The following ADCY5 variants were observed in gnomAD, a reference collection of about 807,000 sequenced individuals.
ADCY5 encodes adenylate cyclase type 5.
In ADCY5, 30 loss-of-function variants were observed where a neutral mutation model predicts 119.7. The observed-to-expected ratio is 0.25, with a 90% CI of 0.19 to 0.34. The LOEUF (loss-of-function observed/expected upper bound fraction) is 0.34. ADCY5 is among the 10% of genes least tolerant of loss of function. The pLI, the probability that ADCY5 is intolerant of heterozygous loss-of-function variation, is 1.00. For synonymous variants in ADCY5, 753 were observed against 762.2 expected (o/e 0.99, Z 0.20); for missense variants, 1,324 against 1,775.2 (o/e 0.75, Z 4.57).
intron 1 of ADCY5, among the ~76,000 whole-genome samples, chr3:123,435,883 T>C (rs1945603414): frequency 6.9e-6 from 1 of 145,170 alleles, no homozygotes; most frequent in African/African-American, 2.5e-5. Context: ...TTATTATTAT[T>C]ATTATTATTA....
Position 123,393,646 on chromosome 3 carries a change from T to C in ADCY5, c.1135-41065A>G, listed in dbSNP as rs115004886. Among the ~76,000 whole-genome samples the C allele has an allele frequency of 9.4e-3, 1,426 of 151,844 alleles. 24 individuals are homozygous for C. Among genetic ancestry groups the C allele is most frequent in the African/African-American group, 0.032 (1,332 of 41,238 alleles). ...AGCGTCACATGCGAAAGAGATAACA[T>C]GTGCAAAGTGCCCATATGGCCCGGC... On this transcript the variant is annotated intron_variant, in intron 1 of 20. Coordinates refer to ENST00000462833, the MANE Select transcript of ADCY5 (RefSeq NM_183357.3).
chr3:123,291,378 TGA>T lies in ADCY5; in HGVS notation c.3064-4_3064-3del. 1 of 1,605,690 alleles carries T rather than the reference TGA, an allele frequency of 6.2e-7. No homozygotes were observed. Among genetic ancestry groups the T allele is most frequent in the Non-Finnish European group, 8.5e-7 (1 of 1,173,846 alleles). On this transcript the variant is annotated splice_region_variant and splice_polypyrimidine_tract_variant and intron_variant, in intron 17 of 20. Transcript: ENST00000462833. ...CATCTCCTCTTTCTCCTCTGTGGCC[TGA>T]GAGAAAAAGACTGCAAGTCACCCAG...
chr3:123,305,239 A>G (rs1274993130), intron 12 of ADCY5, among the ~76,000 whole-genome samples: 2 of 152,112 alleles, frequency 1.3e-5, no homozygotes, highest in East Asian at 1.9e-4. Context: ...CTCTACCCCA[A>G]TCATGGGCTG....
chr3:123,389,356 GT>G (rs1944332492), intron 1 of ADCY5, among the ~76,000 whole-genome samples: 2 of 152,236 alleles, frequency 1.3e-5, no homozygotes, highest in South Asian at 4.2e-4. Flanking sequence ...AGAGGAACTG[GT>G]TCAGAAGAGT....
intron 10 of ADCY5, among the ~76,000 whole-genome samples, chr3:123,319,119 C>G (rs1429973908): frequency 6.6e-6 from 1 of 152,024 alleles, no homozygotes; most frequent in Non-Finnish European, 1.5e-5. Flanking sequence ...TTTGGGAGAC[C>G]GAGGCGGGTG....
At chr3:123,368,024 G>A in intron 1 of ADCY5, 6 of 1,483,162 alleles carry the variant, frequency 4.0e-6, no homozygotes, top group Non-Finnish European at 5.3e-6. Context: ...CCTCAGCAGG[G>A]ATCCAGGGGC....
intron 1 of ADCY5, among the ~76,000 whole-genome samples, chr3:123,373,766 C>CT (rs1175788722): frequency 1.8e-4 from 6 of 33,584 alleles, no homozygotes; most frequent in Non-Finnish European, 3.5e-4. Flanking sequence ...ACGCCCCCCC[C>CT]CCCCCGACCC....
chr3:123,336,588 T>A (rs1432663484), intron 3 of ADCY5, among the ~76,000 whole-genome samples: 1 of 151,448 alleles, frequency 6.6e-6, no homozygotes, highest in Non-Finnish European at 1.5e-5. Context: ...CCGAGCAGAG[T>A]AACACACAGC....
chr3:123,413,945 C>A (rs1945124986), intron 1 of ADCY5, among the ~76,000 whole-genome samples: 1 of 152,158 alleles, frequency 6.6e-6, no homozygotes, highest in South Asian at 2.1e-4. Flanking sequence ...GTGTGTTCAG[C>A]CTCACTCTCA....
At chr3:123,398,507 A>T (rs1944666407) in intron 1 of ADCY5, among the ~76,000 whole-genome samples, 1 of 152,208 alleles carries the variant, frequency 6.6e-6, no homozygotes, top group Admixed American at 6.5e-5. Flanking sequence ...CAAACCATGC[A>T]GCACGCAGGG....
At chr3:123,419,162 G>A (rs1252063282) in intron 1 of ADCY5, 2 of 985,284 alleles carry the variant, frequency 2.0e-6, no homozygotes, top group African/African-American at 1.7e-5. Context: ...GCCCGAGAGA[G>A]CACCGCATCC....
intron 1 of ADCY5, among the ~76,000 whole-genome samples, chr3:123,439,541 A>T (rs1945686556): frequency 5.3e-5 from 8 of 152,206 alleles, no homozygotes; most frequent in Admixed American, 5.2e-4. Context: ...TCTTACTATG[A>T]CTAATTTATA....
intron 2 of ADCY5, among the ~76,000 whole-genome samples, chr3:123,351,948 G>C (rs1409590415): frequency 1.3e-5 from 2 of 152,202 alleles, no homozygotes; most frequent in East Asian, 1.9e-4. Flanking sequence ...CCAGAACTCA[G>C]AGAGGGGAAT....
At chr3:123,426,769 G>C (rs1333251422) in intron 1 of ADCY5, among the ~76,000 whole-genome samples, 1 of 152,132 alleles carries the variant, frequency 6.6e-6, no homozygotes, top group East Asian at 1.9e-4. Flanking sequence ...GGAGTACCAG[G>C]AGCTCTGCTG....
At chr3:123,408,923 C>T (rs1249823159) in intron 1 of ADCY5, among the ~76,000 whole-genome samples, 3 of 151,786 alleles carry the variant, frequency 2.0e-5, no homozygotes, top group African/African-American at 4.8e-5. Flanking sequence ...TGCAGTGAGC[C>T]GAGGTCCTGC....
chr3:123,289,642 T>C, intron 19 of ADCY5, 108 bp downstream of exon 19: 2 of 1,365,718 alleles, frequency 1.5e-6, no homozygotes, highest in Non-Finnish European at 2.1e-6. Context: ...CGCCTGGCCT[T>C]CTACCTTGGG....
Position 123,291,057 on chromosome 3 carries a change from C to T in ADCY5, c.3327+56G>A, listed in dbSNP as rs774220655. On this transcript the variant is annotated intron_variant, in intron 18 of 20. Coordinates refer to ENST00000462833, the MANE Select transcript of ADCY5 (RefSeq NM_183357.3). ...AGGTCTCTTCACATCCCTCCCATAC[C>T]AGGGACTTGTAGGCCCCTCCCAGGA... The T allele has an allele frequency of 3.1e-4, 488 of 1,559,222 alleles. 2 individuals carry two copies. Among genetic ancestry groups the T allele is most frequent in the Non-Finnish European group, 3.8e-4 (439 of 1,151,036 alleles).
intron 1 of ADCY5, among the ~76,000 whole-genome samples, chr3:123,436,164 A>C (rs1945612157): frequency 6.6e-6 from 1 of 151,766 alleles, no homozygotes; most frequent in Non-Finnish European, 1.5e-5. Context: ...TGTTGGCATT[A>C]TAGGTGTGAG....
intron 15 of ADCY5, among the ~76,000 whole-genome samples, chr3:123,299,570 C>T (rs1357539979): frequency 6.6e-6 from 1 of 152,148 alleles, no homozygotes; most frequent in Non-Finnish European, 1.5e-5. Flanking sequence ...AGCCATAGGC[C>T]CCACCTTCAC....
Sources: allele counts gnomAD v4.1 joint callset (sites outside exome capture counted in the v4.1 genomes callset), GRCh38; gene constraint gnomAD v4.1.1; transcripts MANE v1.5; gene names NCBI Gene and HGNC (gene_info 2026-07-23, HGNC 2026-07-21).